PNLIPRP3: variants seen among roughly 807,000 people sequenced by gnomAD.
PNLIPRP3 encodes the protein pancreatic lipase-related protein 3.
PNLIPRP3 carries 58 observed loss-of-function variants against 52.8 expected under a neutral mutation model. That is an observed-to-expected ratio of 1.10 (90% CI 0.89 to 1.37). The LOEUF (loss-of-function observed/expected upper bound fraction) is 1.37, where lower values mean the gene tolerates loss of function less well. Ranked by LOEUF, PNLIPRP3 falls within the 40% of genes most tolerant of loss-of-function variation. The probability of loss-of-function intolerance (pLI) is 0.00; values close to 1 mark genes in which losing one functional copy is unlikely to be tolerated. For synonymous variants in PNLIPRP3, 192 were observed against 185.0 expected (o/e 1.04, Z -0.31); for missense variants, 593 against 561.6 (o/e 1.06, Z -0.57).
At position 116,469,212 on chromosome 10, in the gene PNLIPRP3, G is replaced by A. The variant is rs141110905; in HGVS notation, c.955G>A (p.Gly319Ser). The A allele has an allele frequency of 1.9e-5, 31 of 1,612,032 alleles. No homozygotes were observed. In the Admixed American group the frequency reaches 3.0e-4, roughly 16 times the overall value. ...AAATTGCTTCTTTTGTTCCAAAGAAGGTTGCCCAACAATGGGTCATTTTGC... is the reference window on the plus strand; with the variant it reads ...AAATTGCTTCTTTTGTTCCAAAGAAAGTTGCCCAACAATGGGTCATTTTGC... ...AGNCFFCSKE[G>S]CPTMGHFADR... Residue 319 changes from glycine to serine, a missense_variant, in exon 9 of 12, where the codon GGT (glycine) becomes AGT (serine). Gly to Ser is a moderately conservative substitution (Grantham distance 56). Coordinates refer to ENST00000369230, the MANE Select transcript of PNLIPRP3 (RefSeq NM_001011709.3).
chr10:116,429,770 C>T (rs149095455), intron 1 of PNLIPRP3, among the ~76,000 whole-genome samples: 267 of 152,222 alleles, frequency 1.8e-3, no homozygotes, highest in Middle Eastern at 6.9e-3. Context: ...ATATTTAAAG[C>T]CATGACTACA....
At chr10:116,451,672 C>T (rs375302630) in intron 4 of PNLIPRP3, among the ~76,000 whole-genome samples, 3 of 152,090 alleles carry the variant, frequency 2.0e-5, no homozygotes, top group African/African-American at 7.2e-5. Flanking sequence ...CATGTGATAC[C>T]CCAGTCCCAC....
At chr10:116,458,118 AGTAGTT>A (rs1270352788) in intron 5 of PNLIPRP3, among the ~76,000 whole-genome samples, 4 of 152,112 alleles carry the variant, frequency 2.6e-5, no homozygotes, top group Non-Finnish European at 5.9e-5. Flanking sequence ...ATAAGTGGTA[AGTAGTT>A]GTCATAATAA....
chr10:116,436,418 T>G (rs940415066), intron 1 of PNLIPRP3, among the ~76,000 whole-genome samples: 3 of 152,208 alleles, frequency 2.0e-5, no homozygotes, highest in Non-Finnish European at 4.4e-5. Context: ...AAAAATCTCC[T>G]TGTTGCTGGC....
chr10:116,445,170 C>T (rs1589979188), intron 4 of PNLIPRP3, among the ~76,000 whole-genome samples: 1 of 152,260 alleles, frequency 6.6e-6, no homozygotes, highest in Middle Eastern at 3.4e-3. Context: ...TTACTGTGGG[C>T]TAGGCATGGA....
intron 7 of PNLIPRP3, among the ~76,000 whole-genome samples, chr10:116,463,469 C>T (rs1846229342): frequency 6.6e-6 from 1 of 152,162 alleles, no homozygotes; most frequent in Admixed American, 6.5e-5. Flanking sequence ...CATAATATTG[C>T]AACTGGGTTT....
chr10:116,461,896 G>T (rs1846198223), intron 7 of PNLIPRP3, among the ~76,000 whole-genome samples: 1 of 152,172 alleles, frequency 6.6e-6, no homozygotes, highest in Non-Finnish European at 1.5e-5. Flanking sequence ...GCTGAAAACA[G>T]GAGTCAGCCT....
chr10:116,459,236 GCTTTTCTATAATCACT>G (rs1262199014), intron 5 of PNLIPRP3, among the ~76,000 whole-genome samples: 11 of 149,248 alleles, frequency 7.4e-5, no homozygotes, highest in African/African-American at 2.5e-4. Context: ...CTCTCCTGTT[GCTTTTCTATAATCACT>G]CTTTTAGTGA....
intron 1 of PNLIPRP3, among the ~76,000 whole-genome samples, chr10:116,433,367 A>C (rs183767708): frequency 1.3e-5 from 2 of 152,284 alleles, no homozygotes; most frequent in Admixed American, 1.3e-4. Context: ...ATAAGCAAAA[A>C]CAAACTTTAG....
intron 4 of PNLIPRP3, among the ~76,000 whole-genome samples, chr10:116,447,376 T>C (rs1288491548): frequency 1.3e-5 from 2 of 152,078 alleles, no homozygotes; most frequent in Non-Finnish European, 2.9e-5. Context: ...CTCGCAGAGG[T>C]GGCTATTTTT....
intron 1 of PNLIPRP3, among the ~76,000 whole-genome samples, chr10:116,434,246 A>G (rs10787672): frequency 0.68 from 103,420 of 152,104 alleles, 41,682 homozygotes; most frequent in South Asian, 0.91. Context: ...AAGTATAAAT[A>G]AGAAAATTAA....
chr10:116,448,025 GGAAAGAAA>G (rs34867075), intron 4 of PNLIPRP3, among the ~76,000 whole-genome samples: 23 of 141,306 alleles, frequency 1.6e-4, no homozygotes, highest in Admixed American at 7.4e-4. Flanking sequence ...AAGGAAGGAA[GGAAAGAAA>G]GAAAGAAAGA....
intron 1 of PNLIPRP3, among the ~76,000 whole-genome samples, chr10:116,432,507 C>G (rs963057400): frequency 2.0e-5 from 3 of 152,034 alleles, no homozygotes; most frequent in African/African-American, 7.2e-5. Flanking sequence ...GTGAAGAAAG[C>G]ATTTAAGTAA....
intron 1 of PNLIPRP3, among the ~76,000 whole-genome samples, 177 bp from the exon 2 acceptor site, chr10:116,436,534 G>A (rs929052759): frequency 6.6e-6 from 1 of 151,886 alleles, no homozygotes; most frequent in Non-Finnish European, 1.5e-5. Context: ...GCACAGTAAA[G>A]GAACTAGTCA....
intron 2 of PNLIPRP3, among the ~76,000 whole-genome samples, chr10:116,441,434 A>G (rs1219773827): frequency 6.6e-6 from 1 of 152,172 alleles, no homozygotes; most frequent in Non-Finnish European, 1.5e-5. Context: ...GGTTTTTCAG[A>G]TGTAGAAATG....
intron 1 of PNLIPRP3, among the ~76,000 whole-genome samples, chr10:116,429,931 G>A (rs1412803798): frequency 6.6e-6 from 1 of 152,106 alleles, no homozygotes; most frequent in Non-Finnish European, 1.5e-5. Flanking sequence ...AGGAAACCTA[G>A]GAGAGTCAGC....
intron 1 of PNLIPRP3, among the ~76,000 whole-genome samples, chr10:116,434,173 T>C (rs900515361): frequency 6.6e-6 from 1 of 152,218 alleles, no homozygotes; most frequent in African/African-American, 2.4e-5. Context: ...TCTCTCCTTT[T>C]GTGACCTTTT....
At position 116,455,745 on chromosome 10, in the gene PNLIPRP3, T is replaced by C. The variant is rs979741063; in HGVS notation, c.480T>C (p.Ser160=). 2 of 1,614,058 alleles carry C rather than the reference T, an allele frequency of 1.2e-6. No individual in the cohort carries two copies. The highest frequency in any genetic ancestry group is 2.2e-5 in the South Asian group (2 of 91,066). Residue 160 remains serine (S), a synonymous_variant, in exon 5 of 12, where the codon TCT becomes TCC. Coordinates refer to ENST00000369230, the MANE Select transcript of PNLIPRP3 (RefSeq NM_001011709.3). ...AGAAAAAATTTGAATATTCCCCTTC[T>C]AAAGTGCACTTGATTGGCCACAGCT... The part of the protein sequence containing the change: ...VLMKKFEYSP[S]KVHLIGHSLG...
At chr10:116,461,560 A>T (rs545401845) in intron 7 of PNLIPRP3, among the ~76,000 whole-genome samples, 2 of 152,220 alleles carry the variant, frequency 1.3e-5, no homozygotes, top group Admixed American at 6.5e-5. Context: ...TCACTCAGCA[A>T]ATATGTATTG....
Sources: gnomAD v4.1 joint callset for allele counts (sites outside exome capture counted in the v4.1 genomes callset) on GRCh38, gnomAD v4.1.1 for gene constraint, MANE v1.5 for transcripts, NCBI Gene and HGNC (gene_info 2026-07-23, HGNC 2026-07-21) for gene names.